CNGB1: variants seen among roughly 807,000 people sequenced by gnomAD.
CNGB1 encodes the protein cyclic nucleotide-gated channel beta-1.
CNGB1 carries 126 observed loss-of-function variants against 151.7 expected under a neutral mutation model. That is an observed-to-expected ratio of 0.83 (90% CI 0.72 to 0.96). The LOEUF (loss-of-function observed/expected upper bound fraction) is 0.96. Among genes scored for constraint, CNGB1 ranks in the 40% least tolerant of loss-of-function variants. The pLI is 0.00. For missense variants in CNGB1, 1,698 were observed against 1,627.0 expected (o/e 1.04, Z -0.75); for synonymous variants, 623 against 635.1 (o/e 0.98, Z 0.29).
At chr16:57,956,046 C>T (rs1962076312) in intron 12 of CNGB1, among the ~76,000 whole-genome samples, 1 of 152,228 alleles carries the variant, frequency 6.6e-6, no homozygotes, top group Non-Finnish European at 1.5e-5. Context: ...CACCCATAAC[C>T]CATATGCTCC....
At chr16:57,929,697 C>G (rs1245710600) in intron 17 of CNGB1, among the ~76,000 whole-genome samples, 1 of 152,184 alleles carries the variant, frequency 6.6e-6, no homozygotes, top group Non-Finnish European at 1.5e-5. Flanking sequence ...AGAAGTGCCA[C>G]AGTTTTAAAC....
chr16:57,916,052 C>G (rs1960858185), intron 22 of CNGB1, 77 bp downstream of exon 22: 1 of 1,399,334 alleles, frequency 7.1e-7, no homozygotes, highest in African/African-American at 1.4e-5. Context: ...TCATGAACGC[C>G]CCAGGCACCC....
Position 57,925,072 on chromosome 16 carries a change from G to A in CNGB1, c.1536-1692C>T, listed in dbSNP as rs557586271. Among the ~76,000 whole-genome samples the A allele has an allele frequency of 1.4e-4, 21 of 152,022 alleles. No individual in the cohort carries two copies. The East Asian group carries it at 2.9e-3, about 21-fold the overall frequency. On this transcript the variant is annotated intron_variant, in intron 17 of 32. Coordinates refer to ENST00000251102, the MANE Select transcript of CNGB1 (RefSeq NM_001297.5). ...GGCTGGAGTGCAGTGGCACGATCTC[G>A]GCTCACTGCAACCTCCGTCTCCCAG...
intron 17 of CNGB1, among the ~76,000 whole-genome samples, chr16:57,931,070 GAAATA>G (rs1301877259): frequency 6.6e-6 from 1 of 151,540 alleles, no homozygotes; most frequent in African/African-American, 2.4e-5. Flanking sequence ...TATCAAAAAT[GAAATA>G]AAATAAAATG....
chr16:57,897,949 C>T (rs770446609), intron 29 of CNGB1, 35 bp from the exon 30 acceptor site: 2 of 1,605,156 alleles, frequency 1.2e-6, no homozygotes, highest in East Asian at 2.2e-5. Flanking sequence ...CTCTGTTCAT[C>T]CCCCAAAGTC....
chr16:57,956,323 G>A (rs1482363482), intron 12 of CNGB1, among the ~76,000 whole-genome samples: 6 of 152,100 alleles, frequency 3.9e-5, no homozygotes, highest in Admixed American at 2.0e-4. Context: ...GGTTGGCCAC[G>A]AGCTTCCATG....
intron 14 of CNGB1, among the ~76,000 whole-genome samples, chr16:57,941,375 G>C (rs1375580243): frequency 1.3e-5 from 2 of 152,202 alleles, no homozygotes; most frequent in African/African-American, 4.8e-5. Context: ...AGAGGGCCAA[G>C]TCTCAGCCCT....
intron 16 of CNGB1, among the ~76,000 whole-genome samples, chr16:57,938,046 G>A (rs962130311): frequency 1.5e-4 from 23 of 152,312 alleles, no homozygotes; most frequent in African/African-American, 5.1e-4. Flanking sequence ...GGTCTGGATC[G>A]CGGCCCAAGT....
rs370288562 is a variant in CNGB1, at chr16:57,912,939, T to C, written c.2360A>G (p.Tyr787Cys). The C allele has an allele frequency of 2.9e-5, 47 of 1,613,816 alleles. No individual in the cohort carries two copies. The East Asian group carries it at 3.3e-4, about 11-fold the overall frequency. The change falls in exon 24 of 33, where the codon TAC becomes TGC. Residue 787 changes from tyrosine (Y) to cysteine (C), a missense_variant. By Grantham distance (194) the Tyr-to-Cys change is radical. Coordinates refer to ENST00000251102, the MANE Select transcript of CNGB1 (RefSeq NM_001297.5). ...GCAGGGGGAGTCTCACCTGTACACG[T>C]AGGCTTTGCTGAGGATGGATTCCAG... ...SRLESILSKA[Y>C]VYRVIRTTAY...
chr16:57,903,675 A>G lies in CNGB1; in HGVS notation c.2794+147T>C, dbSNP rs1420862676. On this transcript the variant is annotated intron_variant, in intron 27 of 32. Transcript: ENST00000251102. ...GCCCCACTGGGCACCTCTCACACCAATGTTGGGGACACAGCCAAGACAGGC... is the reference window on the plus strand; with the variant it reads ...GCCCCACTGGGCACCTCTCACACCAGTGTTGGGGACACAGCCAAGACAGGC... The G allele has an allele frequency of 3.5e-5, 36 of 1,033,324 alleles. 1 individual carries two copies. Among genetic ancestry groups the G allele is most frequent in the Admixed American group, 2.0e-4 (10 of 49,820 alleles). 64.0% of individuals were successfully genotyped at this position (1,033,324 alleles called of 1,614,324 possible).
chr16:57,965,781 A>G (rs945410264), intron 2 of CNGB1, among the ~76,000 whole-genome samples: 11 of 152,204 alleles, frequency 7.2e-5, no homozygotes, highest in Admixed American at 7.2e-4. Context: ...ACATGGAACC[A>G]CAGACATACT....
chr16:57,909,403 C>T (rs879566243), intron 25 of CNGB1, among the ~76,000 whole-genome samples: 2 of 152,070 alleles, frequency 1.3e-5, no homozygotes, highest in Non-Finnish European at 2.9e-5. Context: ...ATTTTCTAAA[C>T]TTTTTTTTCC....
At chr16:57,951,079 T>G (rs1318773427) in intron 12 of CNGB1, among the ~76,000 whole-genome samples, 2 of 152,168 alleles carry the variant, frequency 1.3e-5, no homozygotes, top group Non-Finnish European at 2.9e-5. Context: ...GGCTCCGCCC[T>G]CCAGGGAAAC....
At chr16:57,890,333 A>G (rs1960052660) in intron 31 of CNGB1, among the ~76,000 whole-genome samples, 1 of 152,190 alleles carries the variant, frequency 6.6e-6, no homozygotes, top group Non-Finnish European at 1.5e-5. Context: ...ATGATAATTC[A>G]CCAGACGCCT....
At chr16:57,945,466 C>T (rs1232638109) in intron 14 of CNGB1, among the ~76,000 whole-genome samples, 1 of 152,336 alleles carries the variant, frequency 6.6e-6, no homozygotes, top group East Asian at 1.9e-4. Context: ...GGGCAAGTCA[C>T]CTCGAAGCCC....
intron 16 of CNGB1, among the ~76,000 whole-genome samples, chr16:57,937,818 T>C (rs1310728553): frequency 6.6e-6 from 1 of 152,202 alleles, no homozygotes; most frequent in African/African-American, 2.4e-5. Flanking sequence ...TGGAATCACC[T>C]GGGAAGGTTT....
At position 57,971,124 on chromosome 16, in the gene CNGB1, G is replaced by A. The variant is rs1009761399; in HGVS notation, c.-73C>T. 11 of 152,296 alleles carry A rather than the reference G, an allele frequency of 7.2e-5. No individual in the cohort carries two copies. The highest frequency in any genetic ancestry group is 1.5e-4 in the Non-Finnish European group (10 of 68,124). 9.4% of individuals were successfully genotyped at this position (152,296 alleles called of 1,614,324 possible). ...GCTGCCACTCGTAGCTGGCCCCTCA[G>A]ACACAAGGAAGATTAATTGGCAGTA... On this transcript the variant is annotated 5_prime_UTR_variant, in exon 1 of 33. Transcript: ENST00000251102.
rs369171197 is a variant in CNGB1 at position 57,884,228 on chromosome 16, G to A, written c.3692C>T (p.Pro1231Leu). 56 of 1,613,782 alleles carry A rather than the reference G, an allele frequency of 3.5e-5. No individual in the cohort carries two copies. The African/African-American group carries it at 6.9e-4, about 20-fold the overall frequency. The change falls in exon 33 of 33, where the codon CCG becomes CTG. Residue 1231 changes from proline (P) to leucine (L), a missense_variant. By Grantham distance (98) the Pro-to-Leu change is moderately conservative. Transcript: ENST00000251102. ...HSVRICMSPGPEPGEQILSVK... is the reference protein window; with the variant it reads ...HSVRICMSPGLEPGEQILSVK... ...CGACAGGATCTGCTCTCCCGGCTCC[G>A]GGCCCGGGCTCATGCAGATCCTCAC...
In CNGB1 at chr16:57,964,152, C is replaced by T. The variant is rs368957667; in HGVS notation, c.268G>A (p.Ala90Thr). The change falls in exon 4 of 33, where the codon GCT becomes ACT. Residue 90 changes from alanine to threonine, a missense_variant. Physicochemically the swap from Ala to Thr is moderately conservative, Grantham distance 58. Transcript: ENST00000251102. ...TSTISLRAQG[A>T]EISEMNSPSR... ...TACCTATTCATTTCAGAAATCTCAG[C>T]GCCCTGGGCCCGGAGGGATATGGTG... 13 of 1,614,136 alleles carry T rather than the reference C, an allele frequency of 8.1e-6. No homozygotes were observed. Among genetic ancestry groups the T allele is most frequent in the South Asian group, 3.3e-5 (3 of 91,070 alleles).
Sources: allele counts gnomAD v4.1 joint callset (sites outside exome capture counted in the v4.1 genomes callset), GRCh38; gene constraint gnomAD v4.1.1; transcripts MANE v1.5; gene names NCBI Gene and HGNC (gene_info 2026-07-23, HGNC 2026-07-21).